Variants in JAZF1 observed in about 807,000 individuals in gnomAD.
JAZF1 encodes the protein juxtaposed with another zinc finger protein 1.
In JAZF1, 8 loss-of-function variants were observed where a neutral mutation model predicts 26.4. That is an observed-to-expected ratio of 0.30 (90% CI 0.18 to 0.55). The LOEUF is 0.55. Ranked by LOEUF, JAZF1 falls within the 20% of genes least tolerant of loss-of-function variation. JAZF1 has a pLI of 0.94. For synonymous variants in JAZF1, 126 were observed against 122.3 expected (o/e 1.03, Z -0.20); for missense variants, 199 against 322.0 (o/e 0.62, Z 2.92).
intron 3 of JAZF1, among the ~76,000 whole-genome samples, chr7:27,871,027 T>C (rs980497743): frequency 3.3e-5 from 5 of 152,200 alleles, no homozygotes; most frequent in African/African-American, 1.2e-4. Flanking sequence ...GTTTCATGAA[T>C]AGAGGAAGAA....
intron 2 of JAZF1, among the ~76,000 whole-genome samples, chr7:27,967,198 T>G (rs1381822923): frequency 3.3e-5 from 5 of 152,150 alleles, no homozygotes; most frequent in African/African-American, 9.7e-5. Flanking sequence ...CTCCTCAAGA[T>G]GGTTTTGGGC....
At chr7:27,994,949 G>A (rs1296059162) in intron 1 of JAZF1, among the ~76,000 whole-genome samples, 1 of 152,158 alleles carries the variant, frequency 6.6e-6, no homozygotes, top group Non-Finnish European at 1.5e-5. Flanking sequence ...AGACAAGAGA[G>A]TATGATTTTC....
At chr7:27,961,922 C>T (rs1047589309) in intron 2 of JAZF1, among the ~76,000 whole-genome samples, 3 of 152,196 alleles carry the variant, frequency 2.0e-5, no homozygotes, top group African/African-American at 7.2e-5. Flanking sequence ...AGGCTATATG[C>T]TGGTCCAGGA....
In JAZF1 at chr7:28,130,359, G is replaced by A. The variant is rs142113281; in HGVS notation, c.115+50104C>T. Among the ~76,000 whole-genome samples the A allele has an allele frequency of 1.7e-3, 253 of 152,196 alleles. 1 individual carries two copies. The highest frequency in any genetic ancestry group is 6.0e-3 in the African/African-American group (248 of 41,528). ...AATGTTTTTTTAACCTGCCCTGAGA[G>A]TCTATAAACTAATTCTGTTCAACTA... On this transcript the variant is annotated intron_variant, in intron 1 of 4. Coordinates refer to ENST00000283928, the MANE Select transcript of JAZF1 (RefSeq NM_175061.4).
intron 1 of JAZF1, among the ~76,000 whole-genome samples, chr7:28,166,235 T>A (rs1033514986): frequency 6.6e-6 from 1 of 152,194 alleles, no homozygotes; most frequent in Non-Finnish European, 1.5e-5. Flanking sequence ...CTAAAAATGA[T>A]TTCAAGTGAT....
At chr7:27,890,033 A>G (rs913151365) in intron 3 of JAZF1, among the ~76,000 whole-genome samples, 6 of 152,120 alleles carry the variant, frequency 3.9e-5, no homozygotes, top group Admixed American at 6.5e-5. Flanking sequence ...AAAGCAGTCC[A>G]TTGCTTGAAA....
intron 1 of JAZF1, among the ~76,000 whole-genome samples, chr7:28,060,333 A>C (rs527842108): frequency 6.6e-6 from 1 of 151,880 alleles, no homozygotes; most frequent in African/African-American, 2.4e-5. Flanking sequence ...GATTCTGCTG[A>C]CTCTTGTTCA....
rs140740210 is a variant in JAZF1 at position 28,092,747 on chromosome 7, C to T, written c.115+87716G>A. Among the ~76,000 whole-genome samples the T allele has an allele frequency of 5.5e-3, 830 of 151,936 alleles. 5 individuals are homozygous for T. Among genetic ancestry groups the T allele is most frequent in the South Asian group, 8.7e-3 (42 of 4,812 alleles). Reference sequence around the variant, plus strand: ...TAGTGACTTGTGCCTGCAGTCCCAGCCACTCAGGAGGCTGAGGTGGGAGGA... The same window carrying T: ...TAGTGACTTGTGCCTGCAGTCCCAGTCACTCAGGAGGCTGAGGTGGGAGGA... On this transcript the variant is annotated intron_variant, in intron 1 of 4. Coordinates refer to ENST00000283928, the MANE Select transcript of JAZF1 (RefSeq NM_175061.4).
intron 1 of JAZF1, among the ~76,000 whole-genome samples, chr7:28,060,808 T>C (rs911437867): frequency 2.0e-5 from 3 of 152,190 alleles, no homozygotes; most frequent in African/African-American, 7.2e-5. Context: ...CTGGAGGTTG[T>C]AAAAACCTAA....
intron 3 of JAZF1, among the ~76,000 whole-genome samples, chr7:27,881,388 A>G (rs1783768540): frequency 6.6e-6 from 1 of 152,256 alleles, no homozygotes; most frequent in Non-Finnish European, 1.5e-5. Context: ...CACGCAACAT[A>G]GCATAAATTA....
chr7:28,124,373 A>G lies in JAZF1; in HGVS notation c.115+56090T>C, dbSNP rs1782664313. 3.9e-5 allele frequency among the ~76,000 whole-genome samples: 6 copies of G among 152,342 alleles called. No individual in the cohort carries two copies. In the South Asian group the frequency reaches 1.2e-3, roughly 32 times the overall value. On this transcript the variant is annotated intron_variant, in intron 1 of 4. Coordinates refer to ENST00000283928, the MANE Select transcript of JAZF1 (RefSeq NM_175061.4). ...AAATACATTTCTACACTTAACGCCA[A>G]CTGGCCTGTGATACTGTGTGCTGTG...
intron 3 of JAZF1, among the ~76,000 whole-genome samples, chr7:27,860,222 A>T (rs1385043189): frequency 6.6e-6 from 1 of 152,192 alleles, no homozygotes; most frequent in African/African-American, 2.4e-5. Context: ...TGTTTTTGTG[A>T]TCAGAAATAT....
chr7:28,058,293 T>C (rs150786104), intron 1 of JAZF1, among the ~76,000 whole-genome samples: 1 of 152,260 alleles, frequency 6.6e-6, no homozygotes, highest in Non-Finnish European at 1.5e-5. Flanking sequence ...AGCTCACTTT[T>C]TATGAGTCCA....
At chr7:28,014,931 G>A (rs972006432) in intron 1 of JAZF1, among the ~76,000 whole-genome samples, 10 of 152,170 alleles carry the variant, frequency 6.6e-5, no homozygotes, top group African/African-American at 2.4e-4. Context: ...CATTTGCAGA[G>A]AGCAGTGGTT....
intron 1 of JAZF1, among the ~76,000 whole-genome samples, chr7:28,145,916 T>C (rs891388350): frequency 2.6e-5 from 4 of 152,176 alleles, no homozygotes; most frequent in Non-Finnish European, 2.9e-5. Flanking sequence ...CTCAGTATGA[T>C]GGGTTTGAGA....
intron 2 of JAZF1, among the ~76,000 whole-genome samples, chr7:27,900,602 T>G (rs1316066799): frequency 2.0e-5 from 3 of 152,214 alleles, no homozygotes; most frequent in Non-Finnish European, 1.5e-5. Context: ...CTAGTGATTA[T>G]TATTTTTTAA....
At chr7:28,063,147 C>A (rs1783826974) in intron 1 of JAZF1, among the ~76,000 whole-genome samples, 1 of 152,178 alleles carries the variant, frequency 6.6e-6, no homozygotes, top group Non-Finnish European at 1.5e-5. Context: ...ACACTCTGTT[C>A]TTTCTCTCTT....
intron 1 of JAZF1, among the ~76,000 whole-genome samples, chr7:28,158,194 G>C (rs1372013640): frequency 1.4e-5 from 2 of 142,376 alleles, no homozygotes; most frequent in African/African-American, 2.5e-5. Flanking sequence ...CACAGAGAGA[G>C]AGAGAGAGAG....
At chr7:28,050,030 G>C (rs944868806) in intron 1 of JAZF1, among the ~76,000 whole-genome samples, 1 of 152,054 alleles carries the variant, frequency 6.6e-6, no homozygotes, top group Non-Finnish European at 1.5e-5. Context: ...ACCATGGCTT[G>C]GTCTTTCTGG....
Sources: allele counts gnomAD v4.1 joint callset (sites outside exome capture counted in the v4.1 genomes callset), GRCh38; gene constraint gnomAD v4.1.1; transcripts MANE v1.5; gene names NCBI Gene and HGNC (gene_info 2026-07-23, HGNC 2026-07-21).